The following THSD7B variants were observed in gnomAD, a reference collection of about 807,000 sequenced individuals.
THSD7B encodes thrombospondin type 1 domain containing 7B.
In THSD7B, 138 loss-of-function variants were observed where a neutral mutation model predicts 213.6. That is an observed-to-expected ratio of 0.65 (90% confidence interval 0.56 to 0.74). The LOEUF is 0.74. Ranked by LOEUF, THSD7B falls within the 30% of genes least tolerant of loss-of-function variation. THSD7B has a pLI of 0.00. For synonymous variants in THSD7B, 742 were observed against 687.0 expected (o/e 1.08, Z -1.25); for missense variants, 1,931 against 1,991.5 (o/e 0.97, Z 0.58).
intron 10 of THSD7B, among the ~76,000 whole-genome samples, chr2:137,256,887 A>G (rs1274357256): frequency 1.3e-5 from 2 of 152,196 alleles, no homozygotes; most frequent in Non-Finnish European, 2.9e-5. Flanking sequence ...TAACTTATAA[A>G]GAAACAAAAT....
In THSD7B at chr2:136,794,609, A is replaced by C. The variant is rs192581636; in HGVS notation, c.-36+28922A>C. 8.0e-4 allele frequency among the ~76,000 whole-genome samples: 121 copies of C among 152,076 alleles called. 1 individual carries two copies. In the East Asian group the frequency reaches 0.023, roughly 28 times the overall value. On this transcript the variant is annotated intron_variant, in intron 1 of 27. Transcript: ENST00000409968. The stretch of plus-strand genomic sequence containing the variant: ...ATTCATTGTTTTGCTTTATGACCAA[A>C]TGCATGCTTTATTTTGGAAATGTTT...
Position 137,275,887 on chromosome 2 carries a change from G to GTAAAGTT in THSD7B, c.2397-34_2397-28dup, listed in dbSNP as rs372467421. 8.6e-6 allele frequency: 13 copies of GTAAAGTT among 1,516,708 alleles called. No homozygotes were observed. In the African/African-American group the frequency reaches 1.4e-4, roughly 16 times the overall value. 94.0% of individuals were successfully genotyped at this position (1,516,708 alleles called of 1,614,324 possible). On this transcript the variant is annotated intron_variant, in intron 11 of 27. Coordinates refer to ENST00000409968, the MANE Select transcript of THSD7B (RefSeq NM_001316349.2). ...GTATTTCTTCCTCGTGTTGATCACA[G>GTAAAGTT]TAAAGTTTCTAGTCCATCGTTTTTG... is the stretch of plus-strand genomic sequence containing the variant.
chr2:137,344,110 T>G (rs1468058733), intron 12 of THSD7B, among the ~76,000 whole-genome samples: 1 of 151,658 alleles, frequency 6.6e-6, no homozygotes, highest in African/African-American at 2.4e-5. Context: ...CAGCTGCACA[T>G]GAGAGGGATC....
At chr2:136,772,188 C>T (rs1261903595) in intron 1 of THSD7B, among the ~76,000 whole-genome samples, 1 of 151,960 alleles carries the variant, frequency 6.6e-6, no homozygotes, top group African/African-American at 2.4e-5. Context: ...TATCCAAAGC[C>T]CGAGGTTTTA....
intron 17 of THSD7B, among the ~76,000 whole-genome samples, chr2:137,603,738 C>T (rs1283390338): frequency 6.6e-6 from 1 of 152,180 alleles, no homozygotes; most frequent in Admixed American, 6.5e-5. Flanking sequence ...ATCTATAAAA[C>T]TTAGTGTAAT....
At chr2:137,652,116 C>G (rs1464604050) in intron 21 of THSD7B, among the ~76,000 whole-genome samples, 4 of 151,942 alleles carry the variant, frequency 2.6e-5, no homozygotes, top group Non-Finnish European at 5.9e-5. Context: ...TGATTATGTG[C>G]CTGTCCTGTC....
intron 12 of THSD7B, among the ~76,000 whole-genome samples, chr2:137,397,103 C>T (rs200409018): frequency 0.19 from 26,641 of 139,942 alleles, 2,792 homozygotes; most frequent in South Asian, 0.22. Context: ...ACTGATGGGT[C>T]TTGACTCTTT....
At chr2:137,314,795 G>C (rs1396122802) in intron 12 of THSD7B, among the ~76,000 whole-genome samples, 1 of 152,308 alleles carries the variant, frequency 6.6e-6, no homozygotes, top group South Asian at 2.1e-4. Flanking sequence ...CCCTGCTGGG[G>C]GTTGCCTCCC....
chr2:137,417,788 C>G (rs13004085), intron 14 of THSD7B, among the ~76,000 whole-genome samples: 85,673 of 152,002 alleles, frequency 0.56, 27,359 homozygotes, highest in East Asian at 0.77. Flanking sequence ...ATATCAAAGA[C>G]AGGACACATG....
chr2:137,451,930 A>G (rs1687659922), intron 15 of THSD7B: 2 of 285,510 alleles, frequency 7.0e-6, no homozygotes. Context: ...TACTAATTCT[A>G]GTATATGAAT....
At chr2:137,319,155 C>T (rs1258189072) in intron 12 of THSD7B, among the ~76,000 whole-genome samples, 1 of 151,428 alleles carries the variant, frequency 6.6e-6, no homozygotes, top group African/African-American at 2.4e-5. Flanking sequence ...ACACGTGTTC[C>T]TATAACTTGT....
At chr2:137,168,225 A>G (rs1680174114) in intron 6 of THSD7B, among the ~76,000 whole-genome samples, 2 of 152,272 alleles carry the variant, frequency 1.3e-5, no homozygotes, top group Non-Finnish European at 2.9e-5. Context: ...GTGGCTTCCC[A>G]TAGTACAGGA....
chr2:137,628,660 T>C (rs1682681739), intron 20 of THSD7B, among the ~76,000 whole-genome samples: 1 of 152,188 alleles, frequency 6.6e-6, no homozygotes, highest in South Asian at 2.1e-4. Context: ...AGTGTTGTCC[T>C]CAAGGGCCAC....
intron 6 of THSD7B, among the ~76,000 whole-genome samples, chr2:137,169,370 T>G (rs1680198148): frequency 6.6e-6 from 1 of 151,838 alleles, no homozygotes; most frequent in Non-Finnish European, 1.5e-5. Context: ...TTCATTGTGT[T>G]CTAGCCTCCT....
chr2:137,066,485 C>A (rs1216831926), intron 3 of THSD7B, among the ~76,000 whole-genome samples: 2 of 152,116 alleles, frequency 1.3e-5, no homozygotes, highest in East Asian at 3.9e-4. Flanking sequence ...TGAGCCACTG[C>A]AACTGGCTAG....
At chr2:137,313,858 G>C (rs1683999049) in intron 12 of THSD7B, among the ~76,000 whole-genome samples, 1 of 152,174 alleles carries the variant, frequency 6.6e-6, no homozygotes, top group East Asian at 1.9e-4. Flanking sequence ...GTCTTGTAGA[G>C]TTTCTGCCGA....
At chr2:137,454,420 GTCTGTCTATCTA>G (rs1359504207) in intron 15 of THSD7B, among the ~76,000 whole-genome samples, 25 of 129,484 alleles carry the variant, frequency 1.9e-4, no homozygotes, top group African/African-American at 6.2e-4. Flanking sequence ...CTGTCTGTCT[GTCTGTCTATCTA>G]TCTATCTATC....
chr2:137,422,097 G>T (rs530287768), intron 14 of THSD7B, among the ~76,000 whole-genome samples: 1 of 152,160 alleles, frequency 6.6e-6, no homozygotes, highest in African/African-American at 2.4e-5. Flanking sequence ...TTTGCTCAAC[G>T]GTTTGAAGCA....
At position 137,129,660 on chromosome 2, in the gene THSD7B, C is replaced by T. The variant is rs56978790; in HGVS notation, c.1369+14367C>T. ...CTCTCTATGTTGCCCAGACTGGTCTCTAACTTTTGGCCTCAAGCGATCCTC... is the reference window on the plus strand; with the variant it reads ...CTCTCTATGTTGCCCAGACTGGTCTTTAACTTTTGGCCTCAAGCGATCCTC... On this transcript the variant is annotated intron_variant, in intron 5 of 27. Coordinates refer to ENST00000409968, the MANE Select transcript of THSD7B (RefSeq NM_001316349.2). Among the ~76,000 whole-genome samples the T allele has an allele frequency of 4.2e-3, 643 of 152,254 alleles. 3 individuals are homozygous for T. The highest frequency in any genetic ancestry group is 0.015 in the African/African-American group (617 of 41,544).
Sources: gnomAD v4.1 joint callset for allele counts (sites outside exome capture counted in the v4.1 genomes callset) on GRCh38, gnomAD v4.1.1 for gene constraint, MANE v1.5 for transcripts, NCBI Gene and HGNC (gene_info 2026-07-23, HGNC 2026-07-21) for gene names.